Variants in CCSER1 observed in about 807,000 individuals in gnomAD.
CCSER1 encodes serine-rich coiled-coil domain-containing protein 1.
In CCSER1, 41 loss-of-function variants were observed where a neutral mutation model predicts 82.0. The ratio of observed to expected loss-of-function variants is 0.50; its 90% CI spans 0.39 to 0.65. The LOEUF is 0.65. Among genes scored for constraint, CCSER1 ranks in the 30% least tolerant of loss-of-function variants. The pLI is 0.00. For synonymous variants in CCSER1, 414 were observed against 383.9 expected (o/e 1.08, Z -0.92); for missense variants, 1,119 against 1,064.2 (o/e 1.05, Z -0.72).
At chr4:90,254,839 A>AT (rs1337459699) in intron 1 of CCSER1, among the ~76,000 whole-genome samples, 1 of 152,084 alleles carries the variant, frequency 6.6e-6, no homozygotes, top group Non-Finnish European at 1.5e-5. Context: ...ACTTCCTGAT[A>AT]ATTTAAGTGG....
At chr4:91,159,637 C>T (rs563850971) in intron 10 of CCSER1, among the ~76,000 whole-genome samples, 1 of 151,980 alleles carries the variant, frequency 6.6e-6, no homozygotes, top group African/African-American at 2.4e-5. Flanking sequence ...ATTTTCCTTA[C>T]ATTCTTTAGT....
At chr4:90,940,242 T>C (rs1376138186) in intron 9 of CCSER1, among the ~76,000 whole-genome samples, 4 of 152,112 alleles carry the variant, frequency 2.6e-5, no homozygotes, top group African/African-American at 9.7e-5. Flanking sequence ...TGATTTCTTT[T>C]TAATACCAGC....
chr4:91,455,335 G>T (rs917355985), intron 10 of CCSER1, among the ~76,000 whole-genome samples: 4 of 151,928 alleles, frequency 2.6e-5, no homozygotes, highest in African/African-American at 9.7e-5. Flanking sequence ...TCATATTTTT[G>T]GAACTCAGTA....
chr4:91,397,402 T>G (rs181072411), intron 10 of CCSER1, among the ~76,000 whole-genome samples: 10 of 152,260 alleles, frequency 6.6e-5, no homozygotes, highest in Admixed American at 6.6e-4. Context: ...TCATCCTTTA[T>G]TCTTCATGTA....
chr4:91,304,811 CT>C (rs1744929769), intron 10 of CCSER1, among the ~76,000 whole-genome samples: 1 of 151,956 alleles, frequency 6.6e-6, no homozygotes, highest in African/African-American at 2.4e-5. Flanking sequence ...CTACGTATGC[CT>C]TCTAAGTGAT....
At chr4:91,406,492 C>A (rs1752710771) in intron 10 of CCSER1, among the ~76,000 whole-genome samples, 1 of 152,080 alleles carries the variant, frequency 6.6e-6, no homozygotes, top group South Asian at 2.1e-4. Context: ...TTTAAAGTTG[C>A]TAAATGTTTA....
At chr4:91,409,698 T>C (rs1752914387) in intron 10 of CCSER1, among the ~76,000 whole-genome samples, 2 of 152,340 alleles carry the variant, frequency 1.3e-5, no homozygotes, top group Admixed American at 6.5e-5. Context: ...CTTTTTTCTT[T>C]TTTTCTTTTG....
chr4:91,051,237 T>A (rs2148709568), intron 9 of CCSER1, among the ~76,000 whole-genome samples: 1 of 152,232 alleles, frequency 6.6e-6, no homozygotes, highest in African/African-American at 2.4e-5. Context: ...CAATGCAAAT[T>A]ATATCAAAAA....
chr4:90,813,007 C>T (rs939058594), intron 7 of CCSER1, among the ~76,000 whole-genome samples: 2 of 152,172 alleles, frequency 1.3e-5, no homozygotes, highest in African/African-American at 4.8e-5. Flanking sequence ...CCAAATCTCA[C>T]ATTCTTGTCA....
chr4:91,148,525 T>G (rs1729776863), intron 10 of CCSER1, among the ~76,000 whole-genome samples: 2 of 152,142 alleles, frequency 1.3e-5, no homozygotes, highest in South Asian at 4.1e-4. Flanking sequence ...AGGGTTCATG[T>G]GCGCAACGTG....
rs1247715399 is a variant in CCSER1 at position 91,461,866 on chromosome 4, C to T, written c.2218-136706C>T. 1.3e-5 allele frequency among the ~76,000 whole-genome samples: 2 copies of T among 152,170 alleles called. 1 individual carries two copies. The highest frequency in any genetic ancestry group is 4.8e-5 in the African/African-American group (2 of 41,436). ...TCCATACTAAGCAGTAGGAGTCTAT[C>T]CTTCTTTCTGACTAAGGACCATAGC... On this transcript the variant is annotated intron_variant, in intron 10 of 10. Transcript: ENST00000509176.
intron 1 of CCSER1, among the ~76,000 whole-genome samples, chr4:90,286,699 A>G (rs1729962444): frequency 6.6e-6 from 1 of 151,990 alleles, no homozygotes; most frequent in African/African-American, 2.4e-5. Context: ...CATACACTTA[A>G]CATTCTATAT....
At chr4:91,235,113 T>C (rs978373936) in intron 10 of CCSER1, among the ~76,000 whole-genome samples, 1 of 152,116 alleles carries the variant, frequency 6.6e-6, no homozygotes, top group Non-Finnish European at 1.5e-5. Context: ...TAGAACAATA[T>C]ATAGTACAGA....
At chr4:90,716,946 G>A (rs1008554761) in intron 6 of CCSER1, among the ~76,000 whole-genome samples, 1 of 152,144 alleles carries the variant, frequency 6.6e-6, no homozygotes, top group African/African-American at 2.4e-5. Context: ...TTGGAACTTA[G>A]TGTATTTCTT....
At chr4:90,999,667 C>T (rs1339038206) in intron 9 of CCSER1, among the ~76,000 whole-genome samples, 1 of 152,056 alleles carries the variant, frequency 6.6e-6, no homozygotes, top group Non-Finnish European at 1.5e-5. Flanking sequence ...ATATTTTCTC[C>T]AGTTCTCTAG....
At chr4:91,103,145 A>G (rs1561550798) in intron 10 of CCSER1, among the ~76,000 whole-genome samples, 1 of 152,088 alleles carries the variant, frequency 6.6e-6, no homozygotes, top group African/African-American at 2.4e-5. Context: ...TTGGAAATAG[A>G]TCTCCAAATT....
intron 10 of CCSER1, among the ~76,000 whole-genome samples, chr4:91,159,070 A>G (rs893700386): frequency 2.6e-5 from 4 of 151,856 alleles, no homozygotes; most frequent in African/African-American, 4.8e-5. Context: ...GTGATTTCCC[A>G]TTGCTCATTA....
intron 9 of CCSER1, among the ~76,000 whole-genome samples, chr4:91,016,973 G>C (rs1202759572): frequency 6.6e-6 from 1 of 152,040 alleles, no homozygotes; most frequent in Non-Finnish European, 1.5e-5. Context: ...TAGAATACAG[G>C]AAGGAATAAA....
intron 8 of CCSER1, among the ~76,000 whole-genome samples, chr4:90,832,712 A>T (rs141266512): frequency 2.2e-3 from 334 of 152,334 alleles, no homozygotes; most frequent in Non-Finnish European, 3.3e-3. Flanking sequence ...ACACCAAAGG[A>T]TGCTGACAAG....
Sources: allele counts gnomAD v4.1 joint callset (sites outside exome capture counted in the v4.1 genomes callset), GRCh38; gene constraint gnomAD v4.1.1; transcripts MANE v1.5; gene names NCBI Gene and HGNC (gene_info 2026-07-23, HGNC 2026-07-21).